The following USP42 variants were observed in gnomAD, a reference collection of about 807,000 sequenced individuals.
The protein encoded by USP42 is ubiquitin specific peptidase 42, also known as ubiquitin carboxyl-terminal hydrolase 42.
In USP42, 23 loss-of-function variants were observed where a neutral mutation model predicts 113.0. The ratio of observed to expected loss-of-function variants is 0.20; its 90% CI spans 0.15 to 0.29. USP42 has a LOEUF of 0.29. USP42 is among the 10% of genes least tolerant of loss of function. USP42 has a pLI of 1.00. For synonymous variants in USP42, 933 were observed against 699.0 expected (o/e 1.33, Z -5.28); for missense variants, 2,174 against 1,779.8 (o/e 1.22, Z -3.99).
At position 6,111,392 on chromosome 7, in the gene USP42, A is replaced by G. The variant is rs1469742952; in HGVS notation, c.241+18A>G. 1 of 1,604,618 alleles carries G rather than the reference A, an allele frequency of 6.2e-7. No individual in the cohort carries two copies. Among genetic ancestry groups the G allele is most frequent in the Non-Finnish European group, 8.5e-7 (1 of 1,173,368 alleles). ...GGATCAAGGTACTGTTTTTCAAAAG[A>G]GAGAATTACCGCCAGAAACTCCTGT... On this transcript the variant is annotated intron_variant, in intron 2 of 17. Transcript: ENST00000306177.
chr7:6,094,322 C>T, the USP42 span, among the ~76,000 whole-genome samples: 17 of 151,110 alleles, frequency 1.1e-4, 1 homozygote, highest in Non-Finnish European at 2.9e-5. Context: ...TACAGGCATG[C>T]ACCAGCACCT....
chr7:6,115,096 C>G (rs775076907), intron 2 of USP42, among the ~76,000 whole-genome samples: 7 of 152,156 alleles, frequency 4.6e-5, no homozygotes, highest in Non-Finnish European at 1.0e-4. Flanking sequence ...CTGTAACCCT[C>G]TCCCCTTTCT....
rs765430920 is a variant in USP42 at position 6,154,705 on chromosome 7, C to A, written c.3151C>A (p.Pro1051Thr). 1 of 1,599,278 alleles carries A rather than the reference C, an allele frequency of 6.3e-7. No individual in the cohort carries two copies. The highest frequency in any genetic ancestry group is 8.5e-7 in the Non-Finnish European group (1 of 1,174,088). ...ERGWGREKFY[P>T]DRPRWDRCRY... ...TGGCTGGGGCCGGGAGAAGTTCTAC[C>A]CCGACAGGCCGCGCTGGGACAGGTG... Residue 1051 changes from proline to threonine, a missense_variant, in exon 15 of 18, where the codon CCC becomes ACC. Pro to Thr is a conservative substitution (Grantham distance 38, BLOSUM62 -1). Transcript: ENST00000306177.
At chr7:6,082,727 G>A in the USP42 span, among the ~76,000 whole-genome samples, 1 of 135,698 alleles carries the variant, frequency 7.4e-6, no homozygotes, top group African/African-American at 2.9e-5. Flanking sequence ...TCTCCTATCT[G>A]AGCCTCCGTA....
rs376378452 is a variant in USP42 at position 6,150,351 on chromosome 7, C to T, written c.2106+49C>T. ...GCCTCGTTTGTGGCGGTTCCCTTGG[C>T]TGGATTTCAGGAGGCATGGAGCTGG... On this transcript the variant is annotated intron_variant, in intron 13 of 17. Transcript: ENST00000306177. 13 of 1,608,264 alleles carry T rather than the reference C, an allele frequency of 8.1e-6. No individual in the cohort carries two copies. In the African/African-American group the frequency reaches 1.5e-4, roughly 18 times the overall value.
Position 6,153,895 on chromosome 7 carries a change from C to G in USP42, c.2341C>G (p.Pro781Ala). Residue 781 changes from proline (P) to alanine (A), a missense_variant, in exon 15 of 18, where the codon CCC (proline) becomes GCC (alanine). By Grantham distance (27) the Pro-to-Ala change is conservative. Coordinates refer to ENST00000306177, the MANE Select transcript of USP42 (RefSeq NM_032172.3). ...STKKAPPPRD[P>A]GTPATKEGAW... ...CAAGAAGGCTCCGCCGCCCCGCGATCCCGGCACCCCCGCTACCAAAGAAGG... is the reference window on the plus strand; with the variant it reads ...CAAGAAGGCTCCGCCGCCCCGCGATGCCGGCACCCCCGCTACCAAAGAAGG... The G allele has an allele frequency of 1.9e-6, 3 of 1,585,348 alleles. No homozygotes were observed. The highest frequency in any genetic ancestry group is 4.6e-5 in the East Asian group (2 of 43,020).
chr7:6,149,623 C>T lies in USP42; in HGVS notation c.1427C>T (p.Thr476Met), dbSNP rs572359845. 42 of 1,613,914 alleles carry T rather than the reference C, an allele frequency of 2.6e-5. No homozygotes were observed. The highest frequency in any genetic ancestry group is 3.1e-5 in the Non-Finnish European group (37 of 1,179,860). ...HLNGTGPLKD[T>M]PSSSMSSPNG... Reference sequence around the variant, plus strand: ...AATGGGACTGGACCATTGAAAGACACGCCAAGCAGTTCCATGTCGAGTCCT... The same window carrying T: ...AATGGGACTGGACCATTGAAAGACATGCCAAGCAGTTCCATGTCGAGTCCT... The change falls in exon 13 of 18, where the codon ACG becomes ATG. Residue 476 changes from threonine to methionine, a missense_variant. Coordinates refer to ENST00000306177, the MANE Select transcript of USP42 (RefSeq NM_032172.3).
At chr7:6,099,770 C>G in the USP42 span, among the ~76,000 whole-genome samples, 19 of 150,764 alleles carry the variant, frequency 1.3e-4, no homozygotes, top group Non-Finnish European at 2.6e-4. Context: ...CAAGAGCAGC[C>G]TTGCCAATAT....
intron 3 of USP42, among the ~76,000 whole-genome samples, chr7:6,119,876 T>A (rs189730201): frequency 8.7e-4 from 132 of 152,282 alleles, no homozygotes; most frequent in African/African-American, 2.8e-3. Flanking sequence ...GCTAATTTTT[T>A]GTTTTTTTGT....
rs753278961 is a variant in USP42 at position 6,154,296 on chromosome 7, G to A, written c.2742G>A (p.Gly914=). 1 of 1,587,636 alleles carries A rather than the reference G, an allele frequency of 6.3e-7. No individual in the cohort carries two copies. The highest frequency in any genetic ancestry group is 8.6e-7 in the Non-Finnish European group (1 of 1,167,844). ...TGGCCCCGGCCGGTCACCCGGAAGG[G>A]GACGCTGAGCCTAGCCCCGGCGAGA... is the stretch of plus-strand genomic sequence containing the variant. ...LDMAPAGHPE[G]DAEPSPGERV... Residue 914 remains glycine, a synonymous_variant, in exon 15 of 18, where the codon GGG becomes GGA. Transcript: ENST00000306177.
chr7:6,106,367 A>G (rs145481648), intron 1 of USP42, among the ~76,000 whole-genome samples: 5 of 152,356 alleles, frequency 3.3e-5, no homozygotes, highest in Admixed American at 6.5e-5. Flanking sequence ...TATTACCTCA[A>G]TGTATGCAGA....
rs1269185082 is a variant in USP42, at chr7:6,154,142, C to T, written c.2588C>T (p.Ser863Leu). ...EGLSPAPPAR[S>L]EEPCEQPLLV... ...TTGAGTCCGGCTCCGCCTGCGCGGT[C>T]GGAGGAGCCCTGCGAGCAGCCACTC... Residue 863 changes from serine to leucine, a missense_variant, in exon 15 of 18, where the codon TCG (serine) becomes TTG (leucine). Ser to Leu is a moderately radical substitution (Grantham distance 145, BLOSUM62 -2). Coordinates refer to ENST00000306177, the MANE Select transcript of USP42 (RefSeq NM_032172.3). 1.1e-5 allele frequency: 17 copies of T among 1,595,344 alleles called. No homozygotes were observed. Among genetic ancestry groups the T allele is most frequent in the South Asian group, 3.3e-5 (3 of 90,444 alleles).
At chr7:6,119,711 GT>G (rs1005989152) in intron 3 of USP42, among the ~76,000 whole-genome samples, 2 of 148,924 alleles carry the variant, frequency 1.3e-5, no homozygotes, top group Admixed American at 6.7e-5. Context: ...TTGTTGTTTT[GT>G]TTTTTTTTAG....
chr7:6,143,343 T>G (rs530001650), intron 8 of USP42, among the ~76,000 whole-genome samples: 30 of 152,228 alleles, frequency 2.0e-4, no homozygotes, highest in Non-Finnish European at 3.8e-4. Flanking sequence ...AAATAGCATT[T>G]TCATTGACTT....
chr7:6,099,025 G>A, the USP42 span, among the ~76,000 whole-genome samples: 2 of 149,914 alleles, frequency 1.3e-5, 1 homozygote, highest in African/African-American at 5.0e-5. Flanking sequence ...TTTGGTGTTA[G>A]AGACTGATAG....
chr7:6,158,243 C>T lies in USP42; in HGVS notation c.3943+1188C>T, dbSNP rs1469913022. 6.6e-6 allele frequency among the ~76,000 whole-genome samples: 1 copy of T among 152,248 alleles called. No individual in the cohort carries two copies. Among genetic ancestry groups the T allele is most frequent in the Admixed American group, 6.5e-5 (1 of 15,290 alleles). On this transcript the variant is annotated intron_variant, in intron 16 of 17. Transcript: ENST00000306177. This position sits in a 1 kb window ranked among gnomAD's most constrained non-coding sequence, Gnocchi z 4.2. ...TGGCGGCTTCGCTGTCACTGCCTGG[C>T]AGAGGTGAGTGGCTGCGGCAGGGCA...
At chr7:6,097,798 G>A in the USP42 span, among the ~76,000 whole-genome samples, 1 of 150,006 alleles carries the variant, frequency 6.7e-6, no homozygotes, top group Admixed American at 6.6e-5. Context: ...TACCATGTTA[G>A]CAAGGATGGT....
intron 3 of USP42, among the ~76,000 whole-genome samples, chr7:6,118,172 T>C (rs1322313562): frequency 6.6e-6 from 1 of 152,110 alleles, no homozygotes; most frequent in Non-Finnish European, 1.5e-5. Flanking sequence ...GGCAGGTAGA[T>C]CACTTGAGCC....
intron 2 of USP42, among the ~76,000 whole-genome samples, chr7:6,113,791 T>G (rs939157783): frequency 3.0e-4 from 45 of 152,078 alleles, no homozygotes; most frequent in African/African-American, 9.6e-4. Flanking sequence ...CTGGCTAATT[T>G]TTTGTATTTT....
Sources: allele counts gnomAD v4.1 joint callset (sites outside exome capture counted in the v4.1 genomes callset), GRCh38; gene constraint gnomAD v4.1.1; non-coding constraint Gnocchi (gnomAD v3.1); transcripts MANE v1.5; gene names NCBI Gene and HGNC (gene_info 2026-07-23, HGNC 2026-07-21).